Variants in CNTNAP2 observed in about 807,000 individuals in gnomAD.
CNTNAP2 encodes the protein contactin-associated protein-like 2.
A neutral mutation model predicts 155.2 loss-of-function variants in CNTNAP2; 98 were observed. That is an observed-to-expected ratio of 0.63 (90% CI 0.54 to 0.75). CNTNAP2 has a LOEUF of 0.75. Among genes scored for constraint, CNTNAP2 ranks in the 30% least tolerant of loss-of-function variants. CNTNAP2 has a pLI of 0.00. For missense variants in CNTNAP2, 1,727 were observed against 1,688.1 expected (o/e 1.02, Z -0.40); for synonymous variants, 651 against 631.2 (o/e 1.03, Z -0.47).
intron 21 of CNTNAP2, among the ~76,000 whole-genome samples, chr7:148,269,499 C>T (rs1796737484): frequency 1.3e-5 from 2 of 152,190 alleles, no homozygotes; most frequent in Non-Finnish European, 2.9e-5. Flanking sequence ...ACAAACGTCA[C>T]AACAATCCAA....
At chr7:146,673,797 G>A (rs1161719365) in intron 1 of CNTNAP2, among the ~76,000 whole-genome samples, 1 of 152,002 alleles carries the variant, frequency 6.6e-6, no homozygotes, top group East Asian at 1.9e-4. Flanking sequence ...TGCCCAGGCT[G>A]GTCTCAAAGT....
intron 22 of CNTNAP2, among the ~76,000 whole-genome samples, chr7:148,404,794 T>C (rs992373092): frequency 6.6e-6 from 1 of 152,138 alleles, no homozygotes; most frequent in Non-Finnish European, 1.5e-5. Context: ...CTCAGTGGGA[T>C]GGGGAGCTGG....
intron 13 of CNTNAP2, among the ~76,000 whole-genome samples, chr7:147,709,069 G>A (rs1037345366): frequency 6.6e-6 from 1 of 152,174 alleles, no homozygotes; most frequent in Non-Finnish European, 1.5e-5. Flanking sequence ...ATAGCTGAGA[G>A]GGATGTGGTC....
intron 1 of CNTNAP2, among the ~76,000 whole-genome samples, chr7:146,387,634 C>T (rs1382871730): frequency 6.6e-6 from 1 of 152,182 alleles, no homozygotes; most frequent in Non-Finnish European, 1.5e-5. Flanking sequence ...TGTGCCCAAA[C>T]CCTACTGCAT....
chr7:148,284,335 G>C (rs1041827162), intron 21 of CNTNAP2, among the ~76,000 whole-genome samples: 4 of 151,966 alleles, frequency 2.6e-5, no homozygotes, highest in Non-Finnish European at 5.9e-5. Flanking sequence ...TTTTATAAGG[G>C]GTTTCCCTTT....
intron 21 of CNTNAP2, among the ~76,000 whole-genome samples, chr7:148,346,845 A>G (rs1425379153): frequency 6.6e-6 from 1 of 152,144 alleles, no homozygotes; most frequent in East Asian, 1.9e-4. Flanking sequence ...TAATACTTAG[A>G]AAGATGCAAT....
At chr7:146,158,023 C>G (rs1402264043) in intron 1 of CNTNAP2, among the ~76,000 whole-genome samples, 1 of 152,166 alleles carries the variant, frequency 6.6e-6, no homozygotes, top group East Asian at 1.9e-4. Context: ...CCGGGTGCCC[C>G]TCTGAGTCGA....
rs115462653 is a variant in CNTNAP2 at position 148,060,230 on chromosome 7, G to C, written c.2384-57888G>C. Among the ~76,000 whole-genome samples, 693 of 152,128 alleles carry C rather than the reference G, an allele frequency of 4.6e-3. 7 individuals are homozygous for C. The highest frequency in any genetic ancestry group is 0.016 in the African/African-American group (673 of 41,526). Reference sequence around the variant, plus strand: ...GCTTGTTATTAAATAAAAATGTTTTGAACCTTAAAACTGCTTTAAATGATT... The same window carrying C: ...GCTTGTTATTAAATAAAAATGTTTTCAACCTTAAAACTGCTTTAAATGATT... On this transcript the variant is annotated intron_variant, in intron 15 of 23. Transcript: ENST00000361727.
chr7:147,363,686 A>AT (rs1011311506), intron 9 of CNTNAP2, among the ~76,000 whole-genome samples: 2 of 152,096 alleles, frequency 1.3e-5, no homozygotes, highest in African/African-American at 4.8e-5. Flanking sequence ...TTGCCTCTTG[A>AT]TTTTTTGTAT....
chr7:147,724,058 A>C (rs890290546), intron 13 of CNTNAP2, among the ~76,000 whole-genome samples: 4 of 151,852 alleles, frequency 2.6e-5, no homozygotes, highest in African/African-American at 9.7e-5. Flanking sequence ...GTATTTCAAA[A>C]TCTTTAAAAG....
chr7:147,358,865 C>T (rs1368113133), intron 9 of CNTNAP2, among the ~76,000 whole-genome samples: 2 of 152,002 alleles, frequency 1.3e-5, no homozygotes, highest in African/African-American at 4.8e-5. Context: ...AACACAATGG[C>T]CTCATTTGTT....
intron 8 of CNTNAP2, among the ~76,000 whole-genome samples, chr7:147,258,478 A>AT (rs553230696): frequency 1.6e-4 from 24 of 150,624 alleles, no homozygotes; most frequent in Admixed American, 3.3e-4. Context: ...TTTCCTTCAC[A>AT]TTTTTTTTTG....
intron 13 of CNTNAP2, among the ~76,000 whole-genome samples, chr7:147,896,637 A>G (rs56073287): frequency 0.23 from 35,228 of 152,030 alleles, 4,740 homozygotes; most frequent in Middle Eastern, 0.39. Context: ...GAGCCAGTTT[A>G]TTGATCTGGG....
chr7:146,366,844 C>G (rs572831752), intron 1 of CNTNAP2, among the ~76,000 whole-genome samples: 2 of 152,092 alleles, frequency 1.3e-5, no homozygotes, highest in African/African-American at 2.4e-5. Flanking sequence ...TCTTCCAGCT[C>G]AGATTTACTT....
intron 18 of CNTNAP2, among the ~76,000 whole-genome samples, chr7:148,205,648 T>C (rs1394911807): frequency 6.6e-6 from 1 of 152,364 alleles, no homozygotes; most frequent in Non-Finnish European, 1.5e-5. Flanking sequence ...CTCAGTCAAC[T>C]GAATGACATT....
chr7:146,721,809 AGTCTATATATGTAGAC>A (rs1801332956), intron 1 of CNTNAP2, among the ~76,000 whole-genome samples: 1 of 121,992 alleles, frequency 8.2e-6, no homozygotes, highest in Admixed American at 8.4e-5. Flanking sequence ...GACTATATAT[AGTCTATATATGTAGAC>A]TATATATAGT....
rs397693123 is a variant in CNTNAP2, at chr7:146,224,445, A to AC, written c.97+107475dup. ...ACACAGTGGTTTAAAAAAAAAAAAA[A>AC]CCCAAAAAACTAAGATTTGGGGCCG... On this transcript the variant is annotated intron_variant, in intron 1 of 23. Transcript: ENST00000361727. Among the ~76,000 whole-genome samples the AC allele has an allele frequency of 3.2e-3, 474 of 149,952 alleles. 3 individuals carry two copies. The highest frequency in any genetic ancestry group is 5.1e-3 in the Non-Finnish European group (346 of 67,354).
chr7:146,257,941 G>A (rs904727985), intron 1 of CNTNAP2, among the ~76,000 whole-genome samples: 12 of 151,768 alleles, frequency 7.9e-5, no homozygotes, highest in African/African-American at 2.9e-4. Context: ...CTGGAGTGCA[G>A]TGGTGTGATC....
intron 2 of CNTNAP2, among the ~76,000 whole-genome samples, chr7:146,801,760 C>G (rs1424681876): frequency 6.6e-6 from 1 of 152,008 alleles, no homozygotes; most frequent in Non-Finnish European, 1.5e-5. Flanking sequence ...TGGTACAGAT[C>G]AAATAAAAGT....
Sources: gnomAD v4.1 joint callset for allele counts (sites outside exome capture counted in the v4.1 genomes callset) on GRCh38, gnomAD v4.1.1 for gene constraint, MANE v1.5 for transcripts, NCBI Gene and HGNC (gene_info 2026-07-23, HGNC 2026-07-21) for gene names.